ABL1: variants seen among roughly 807,000 people sequenced by gnomAD.
ABL1 encodes tyrosine-protein kinase ABL1.
In ABL1, 11 loss-of-function variants were observed where a neutral mutation model predicts 94.7. That is an observed-to-expected ratio of 0.12 (90% CI 0.07 to 0.19). ABL1 has a LOEUF of 0.19. Ranked by LOEUF, ABL1 falls within the 10% of genes least tolerant of loss-of-function variation. The pLI is 1.00. For missense variants in ABL1, 1,082 were observed against 1,489.4 expected, an observed-to-expected ratio of 0.73 and a Z score of 4.50; for synonymous variants, 656 against 622.4, an observed-to-expected ratio of 1.05 and a Z score of -0.80.
At chr9:130,721,594 C>T (rs1481338263) in intron 1 of ABL1, among the ~76,000 whole-genome samples, 1 of 152,054 alleles carries the variant, frequency 6.6e-6, no homozygotes, top group East Asian at 1.9e-4. Flanking sequence ...CCTGTAATCC[C>T]AGCTACTCAA....
At chr9:130,808,237 TCTTCTTC>T (rs1564296070) in intron 1 of ABL1, among the ~76,000 whole-genome samples, 1 of 141,666 alleles carries the variant, frequency 7.1e-6, no homozygotes, top group African/African-American at 2.7e-5. Flanking sequence ...TTCTTCTTCT[TCTTCTTC>T]TTCTTTTTTT....
chr9:130,848,987 C>T (rs1830817530), intron 1 of ABL1, among the ~76,000 whole-genome samples: 1 of 152,022 alleles, frequency 6.6e-6, no homozygotes, highest in South Asian at 2.1e-4. Context: ...AAAATCCCAC[C>T]ACCCTGAGTT....
At chr9:130,726,214 GTACAGCT>G in intron 1 of ABL1, among the ~76,000 whole-genome samples, 1 of 149,006 alleles carries the variant, frequency 6.7e-6, no homozygotes, top group Non-Finnish European at 1.5e-5. Context: ...CAAATTGAAT[GTACAGCT>G]TGATGAATGA....
intron 7 of ABL1, among the ~76,000 whole-genome samples, chr9:130,876,733 CTTTTTTTTT>C (rs755840936): frequency 2.4e-5 from 2 of 83,230 alleles, no homozygotes; most frequent in Non-Finnish European, 4.4e-5. Flanking sequence ...AAGTTGGTTT[CTTTTTTTTT>C]TTTTTTTTTT....
At chr9:130,730,334 G>A (rs144710369) in intron 1 of ABL1, among the ~76,000 whole-genome samples, 39 of 152,184 alleles carry the variant, frequency 2.6e-4, no homozygotes, top group South Asian at 8.3e-4. Context: ...GAGTCACCGC[G>A]CCTAGCCTCC....
intron 1 of ABL1, among the ~76,000 whole-genome samples, chr9:130,815,468 A>C (rs1439313576): frequency 6.6e-6 from 1 of 151,660 alleles, no homozygotes; most frequent in Non-Finnish European, 1.5e-5. Context: ...ATCTTCCTTG[A>C]CTCTTCTTTT....
At chr9:130,867,135 C>G (rs1831170138) in intron 4 of ABL1, among the ~76,000 whole-genome samples, 1 of 152,220 alleles carries the variant, frequency 6.6e-6, no homozygotes, top group Non-Finnish European at 1.5e-5. Flanking sequence ...AAATTTACTA[C>G]TTAAACAGTG....
Position 130,884,492 on chromosome 9 carries a change from C to T in ABL1, c.2202C>T (p.Val734=), listed in dbSNP as rs1831528928. ...CCAAGGACACGGAGTGGAGGTCAGT[C>T]ACGCTGCCTCGGGACTTGCAGTCCA... ...HGAKDTEWRS[V]TLPRDLQSTG... Residue 734 remains valine (V), a synonymous_variant, in exon 11 of 11, where the codon GTC becomes GTT. Coordinates refer to ENST00000318560, the MANE Select transcript of ABL1 (RefSeq NM_005157.6). The surrounding 1 kb of genome is among the most constrained non-coding windows in gnomAD (Gnocchi z 5.6). 6 of 1,613,156 alleles carry T rather than the reference C, an allele frequency of 3.7e-6. No individual in the cohort carries two copies. The highest frequency in any genetic ancestry group is 1.6e-4 in the Middle Eastern group (1 of 6,062).
chr9:130,851,944 A>C (rs557114063), intron 1 of ABL1, among the ~76,000 whole-genome samples: 1 of 151,340 alleles, frequency 6.6e-6, no homozygotes, highest in Non-Finnish European at 1.5e-5. Flanking sequence ...TTGCCTGGCT[A>C]ATTTTTGTGT....
intron 1 of ABL1, chr9:130,724,956 G>C: frequency 3.0e-6 from 1 of 333,174 alleles, no homozygotes; most frequent in Non-Finnish European, 6.1e-6. Flanking sequence ...GCCACAGGTA[G>C]ACTTCGGAAG....
At chr9:130,817,298 T>G (rs552762262) in intron 1 of ABL1, among the ~76,000 whole-genome samples, 2 of 152,234 alleles carry the variant, frequency 1.3e-5, no homozygotes, top group Non-Finnish European at 2.9e-5. Flanking sequence ...AAGAAATCAA[T>G]GTACTTTATA....
rs1240332398 is a variant in ABL1, at chr9:130,871,634, TC to T, written c.823-494del. On this transcript the variant is annotated intron_variant, in intron 4 of 10. Coordinates refer to ENST00000318560, the MANE Select transcript of ABL1 (RefSeq NM_005157.6). Reference sequence around the variant, plus strand: ...CTACTGTACTTTGAGACATCGTTCTTCTTTGTGATGCAATACCTCTTTCTTG... The same window carrying T: ...CTACTGTACTTTGAGACATCGTTCTTTTTGTGATGCAATACCTCTTTCTTG... Among the ~76,000 whole-genome samples, 6 of 152,378 alleles carry T rather than the reference TC, an allele frequency of 3.9e-5. No individual in the cohort carries two copies. In the East Asian group the frequency reaches 1.2e-3, roughly 29 times the overall value.
At chr9:130,784,401 T>G (rs1306974113) in intron 1 of ABL1, among the ~76,000 whole-genome samples, 2 of 152,242 alleles carry the variant, frequency 1.3e-5, no homozygotes, top group East Asian at 3.8e-4. Context: ...TCTGTCTTCC[T>G]CATAAGTCAT....
At chr9:130,797,322 TGG>T (rs903390112) in intron 1 of ABL1, among the ~76,000 whole-genome samples, 5 of 150,634 alleles carry the variant, frequency 3.3e-5, no homozygotes, top group African/African-American at 1.2e-4. Context: ...TTCTTGTCTT[TGG>T]AGAACTTAGC....
intron 1 of ABL1, among the ~76,000 whole-genome samples, chr9:130,734,636 C>G (rs142495251): frequency 5.3e-5 from 8 of 152,000 alleles, no homozygotes; most frequent in African/African-American, 1.9e-4. Flanking sequence ...ATTCTCCTGC[C>G]TCAGCCTCCC....
At chr9:130,825,041 A>G (rs1483715745) in intron 1 of ABL1, among the ~76,000 whole-genome samples, 3 of 152,196 alleles carry the variant, frequency 2.0e-5, no homozygotes, top group Non-Finnish European at 2.9e-5. Flanking sequence ...ACTCCCCTTT[A>G]GTATTTCATT....
At chr9:130,736,790 C>T (rs183166497) in intron 1 of ABL1, among the ~76,000 whole-genome samples, 4 of 152,256 alleles carry the variant, frequency 2.6e-5, no homozygotes, top group African/African-American at 7.2e-5. Flanking sequence ...TGTGCCCGGC[C>T]GGTTGAACGT....
chr9:130,878,597 T>A, intron 8 of ABL1, 30 bp downstream of exon 8: 1 of 1,608,442 alleles, frequency 6.2e-7, no homozygotes, highest in Non-Finnish European at 8.5e-7. Flanking sequence ...TTCTCACGAG[T>A]ATATGTGGGC....
chr9:130,743,332 C>G (rs1831843439), intron 1 of ABL1, among the ~76,000 whole-genome samples: 3 of 152,232 alleles, frequency 2.0e-5, no homozygotes, highest in Admixed American at 1.3e-4. Context: ...CTTGGCCTCC[C>G]AAAGTGCTGG....
Sources: allele counts gnomAD v4.1 joint callset (sites outside exome capture counted in the v4.1 genomes callset), GRCh38; gene constraint gnomAD v4.1.1; non-coding constraint Gnocchi (gnomAD v3.1); transcripts MANE v1.5; gene names NCBI Gene and HGNC (gene_info 2026-07-23, HGNC 2026-07-21).